GLIS1: variants seen among roughly 807,000 people sequenced by gnomAD.
The protein encoded by GLIS1 is GLIS family zinc finger 1.
GLIS1 carries 24 observed loss-of-function variants against 63.8 expected under a neutral mutation model. That is an observed-to-expected ratio of 0.38 (90% CI 0.27 to 0.53). The LOEUF (loss-of-function observed/expected upper bound fraction) is 0.53. Among genes scored for constraint, GLIS1 ranks in the 20% least tolerant of loss-of-function variants. The probability of loss-of-function intolerance (pLI) is 0.85; values close to 1 mark genes in which losing one functional copy is unlikely to be tolerated. For synonymous variants in GLIS1, 450 were observed against 482.5 expected (o/e 0.93, Z 0.88); for missense variants, 1,036 against 1,074.1 (o/e 0.96, Z 0.50).
At chr1:53,587,469 G>A (rs536396473) in intron 4 of GLIS1, among the ~76,000 whole-genome samples, 2 of 152,174 alleles carry the variant, frequency 1.3e-5, no homozygotes, top group Admixed American at 6.5e-5. Context: ...GGGACCACTT[G>A]GCCTCTCTGG....
rs1216967787 is a variant in GLIS1 at position 53,509,895 on chromosome 1, G to A, written c.2016C>T (p.Tyr672=). The change falls in exon 9 of 11, where the codon TAC becomes TAT. Residue 672 remains tyrosine, a synonymous_variant. Transcript: ENST00000628545. The part of the protein sequence containing the change: ...PFPTLPSKPS[Y]PPFQSPPPPP... The stretch of plus-strand genomic sequence containing the variant: ...GGGGTGGAGGGCTCTGGAAGGGTGG[G>A]TAGGACGGCTTGCTGGGGAGTGTGG... The A allele has an allele frequency of 7.6e-7, 1 of 1,308,734 alleles. No homozygotes were observed. Among genetic ancestry groups the A allele is most frequent in the Non-Finnish European group, 9.8e-7 (1 of 1,020,288 alleles). The allele number at this position is 1,308,734 out of a possible 1,614,324, so 81.1% of individuals were successfully genotyped here. A position where few individuals can be genotyped will look rare whatever the true frequency, so the allele number is the denominator to read the frequency against.
intron 2 of GLIS1, among the ~76,000 whole-genome samples, chr1:53,715,184 G>A (rs1001569634): frequency 6.6e-6 from 1 of 152,204 alleles, no homozygotes; most frequent in African/African-American, 2.4e-5. Context: ...CCACAGTGCT[G>A]GGATTACAGG....
intron 10 of GLIS1, among the ~76,000 whole-genome samples, chr1:53,507,285 G>A (rs927239257): frequency 1.2e-4 from 18 of 152,292 alleles, no homozygotes; most frequent in African/African-American, 4.3e-4. Flanking sequence ...GCTCCCCTGC[G>A]GTGGGATTCA....
At chr1:53,554,504 T>A (rs529611817) in intron 4 of GLIS1, among the ~76,000 whole-genome samples, 1 of 152,198 alleles carries the variant, frequency 6.6e-6, no homozygotes. Flanking sequence ...GGAAGTGGCA[T>A]GCCTGAAGTC....
intron 2 of GLIS1, among the ~76,000 whole-genome samples, chr1:53,644,049 G>A (rs746903339): frequency 5.9e-5 from 9 of 152,178 alleles, no homozygotes; most frequent in Non-Finnish European, 8.8e-5. Context: ...GGGGCAAAGT[G>A]GGGGAGGGGA....
intron 2 of GLIS1, among the ~76,000 whole-genome samples, chr1:53,610,225 A>G (rs1287827929): frequency 6.6e-6 from 1 of 152,162 alleles, no homozygotes; most frequent in East Asian, 1.9e-4. Context: ...TATAGTGTTT[A>G]TTTATATATT....
chr1:53,582,051 G>A (rs564394637), intron 4 of GLIS1, among the ~76,000 whole-genome samples: 166 of 152,270 alleles, frequency 1.1e-3, no homozygotes, highest in African/African-American at 3.8e-3. Flanking sequence ...GTTGGGGAGG[G>A]AACCTAGCTC....
At chr1:53,570,521 G>A (rs929385688) in intron 4 of GLIS1, among the ~76,000 whole-genome samples, 8 of 152,224 alleles carry the variant, frequency 5.3e-5, no homozygotes, top group East Asian at 1.9e-4. Flanking sequence ...GGGAAATAGC[G>A]GGGATGGACT....
chr1:53,713,532 C>G (rs1474429774), intron 2 of GLIS1, among the ~76,000 whole-genome samples: 2 of 138,124 alleles, frequency 1.4e-5, no homozygotes, highest in Non-Finnish European at 3.2e-5. Context: ...CTGGGCAACA[C>G]AGTAAGACCT....
At chr1:53,683,516 C>T (rs1449379640) in intron 2 of GLIS1, among the ~76,000 whole-genome samples, 1 of 152,144 alleles carries the variant, frequency 6.6e-6, no homozygotes, top group Non-Finnish European at 1.5e-5. Context: ...AGAATGAGGG[C>T]ACCACCTACC....
Position 53,560,467 on chromosome 1 carries a change from T to A in GLIS1, c.1321-30515A>T, listed in dbSNP as rs1221664397. On this transcript the variant is annotated intron_variant, in intron 4 of 10. Coordinates refer to ENST00000628545, the MANE Select transcript of GLIS1 (RefSeq NM_001367484.1). The surrounding 1 kb of genome is among the most constrained non-coding windows in gnomAD (Gnocchi z 4.4). Reference sequence around the variant, plus strand: ...ACAGTTCCGGTCGGGAGATATCTGGTCCACACACGGAGCAAATATCTGTTT... The same window carrying A: ...ACAGTTCCGGTCGGGAGATATCTGGACCACACACGGAGCAAATATCTGTTT... 6.6e-6 allele frequency among the ~76,000 whole-genome samples: 1 copy of A among 152,168 alleles called. No homozygotes were observed. The highest frequency in any genetic ancestry group is 1.5e-5 in the Non-Finnish European group (1 of 68,016).
chr1:53,725,946 G>A (rs1408985602), intron 2 of GLIS1, among the ~76,000 whole-genome samples: 1 of 152,196 alleles, frequency 6.6e-6, no homozygotes, highest in African/African-American at 2.4e-5. Context: ...CTGCCAGGGT[G>A]CTGTGTTCTT....
intron 2 of GLIS1, among the ~76,000 whole-genome samples, chr1:53,709,405 T>TACACAC (rs780900347): frequency 1.4e-4 from 16 of 117,180 alleles, no homozygotes; most frequent in African/African-American, 7.3e-4. Flanking sequence ...CATATACATA[T>TACACAC]ATATATACAC....
At chr1:53,698,099 C>T (rs1159198678) in intron 2 of GLIS1, among the ~76,000 whole-genome samples, 1 of 137,328 alleles carries the variant, frequency 7.3e-6, no homozygotes, top group African/African-American at 2.8e-5. Flanking sequence ...ATGCCCCAGA[C>T]CAGACAGCAA....
rs566488998 is a variant in GLIS1, at chr1:53,527,754, C to T, written c.1482+2037G>A. ...CAAACTAGCAACACAGAGCTGCCTG[C>T]GGTGTTTATGTGGGGAGCTGGATCC... On this transcript the variant is annotated intron_variant, in intron 5 of 10. Coordinates refer to ENST00000628545, the MANE Select transcript of GLIS1 (RefSeq NM_001367484.1). 7.2e-5 allele frequency among the ~76,000 whole-genome samples: 11 copies of T among 152,310 alleles called. No individual in the cohort carries two copies. The East Asian group carries it at 1.2e-3, about 16-fold the overall frequency.
At chr1:53,590,532 T>G (rs1263575171) in intron 4 of GLIS1, among the ~76,000 whole-genome samples, 1 of 152,200 alleles carries the variant, frequency 6.6e-6, no homozygotes, top group African/African-American at 2.4e-5. Context: ...TGCTAATTTC[T>G]GCAGTCGCAG....
intron 2 of GLIS1, among the ~76,000 whole-genome samples, chr1:53,616,359 G>A (rs888789910): frequency 2.0e-5 from 3 of 152,256 alleles, no homozygotes; most frequent in Non-Finnish European, 4.4e-5. Context: ...TTCCATCTGC[G>A]TTTTCAGTAC....
At chr1:53,579,197 A>G (rs1645061189) in intron 4 of GLIS1, among the ~76,000 whole-genome samples, 1 of 152,170 alleles carries the variant, frequency 6.6e-6, no homozygotes, top group African/African-American at 2.4e-5. Context: ...AGGTGCTGGA[A>G]CTTGAGGACG....
chr1:53,707,257 AT>A (rs1646588843), intron 2 of GLIS1, among the ~76,000 whole-genome samples: 1 of 152,196 alleles, frequency 6.6e-6, no homozygotes. Flanking sequence ...CCCGGCTGCC[AT>A]TTAAGACCAT....
Sources: allele counts gnomAD v4.1 joint callset (sites outside exome capture counted in the v4.1 genomes callset), GRCh38; gene constraint gnomAD v4.1.1; non-coding constraint Gnocchi (gnomAD v3.1); transcripts MANE v1.5; gene names NCBI Gene and HGNC (gene_info 2026-07-23, HGNC 2026-07-21).